CNTNAP5: variants seen among roughly 807,000 people sequenced by gnomAD.
The protein encoded by CNTNAP5 is contactin associated protein family member 5, also known as contactin-associated protein-like 5.
Under a neutral mutation model 150.2 loss-of-function variants are expected in CNTNAP5, and 72 were observed. The observed-to-expected ratio is 0.48, with a 90% CI of 0.40 to 0.58. CNTNAP5 has a LOEUF of 0.58. CNTNAP5 is among the 20% of genes least tolerant of loss of function. The pLI, the probability that CNTNAP5 is intolerant of heterozygous loss-of-function variation, is 0.00. For synonymous variants in CNTNAP5, 672 were observed against 619.8 expected (o/e 1.08, Z -1.25); for missense variants, 1,636 against 1,626.2 (o/e 1.01, Z -0.10).
chr2:124,069,085 T>A (rs1186196101), intron 1 of CNTNAP5, among the ~76,000 whole-genome samples: 1 of 152,046 alleles, frequency 6.6e-6, no homozygotes, highest in African/African-American at 2.4e-5. Context: ...TTACTGGACC[T>A]GTCTTGAGCC....
intron 1 of CNTNAP5, among the ~76,000 whole-genome samples, chr2:124,168,617 G>T (rs1373101384): frequency 1.8e-4 from 28 of 152,170 alleles, no homozygotes; most frequent in Non-Finnish European, 1.5e-5. Context: ...TTGGGGATTA[G>T]ACCTGGCCTC....
chr2:124,425,519 C>G (rs562594287), intron 4 of CNTNAP5, among the ~76,000 whole-genome samples: 91 of 152,278 alleles, frequency 6.0e-4, no homozygotes, highest in African/African-American at 1.7e-3. Context: ...AACCTCATCC[C>G]CATAGTGAAA....
chr2:124,810,393 G>A (rs1227225585), intron 19 of CNTNAP5, among the ~76,000 whole-genome samples: 3 of 152,118 alleles, frequency 2.0e-5, no homozygotes, highest in Non-Finnish European at 4.4e-5. Flanking sequence ...TTTTTTAATA[G>A]CGCTGCTTAA....
At chr2:124,312,951 C>T (rs539124250) in intron 3 of CNTNAP5, among the ~76,000 whole-genome samples, 75 of 152,314 alleles carry the variant, frequency 4.9e-4, no homozygotes, top group African/African-American at 1.5e-3. Context: ...GTAATCTGCC[C>T]GCCTTGGCTT....
chr2:124,300,905 T>C (rs1688556334), intron 3 of CNTNAP5, among the ~76,000 whole-genome samples: 1 of 152,092 alleles, frequency 6.6e-6, no homozygotes, highest in Non-Finnish European at 1.5e-5. Flanking sequence ...CCACAGGAAA[T>C]ACGAAATCCA....
intron 13 of CNTNAP5, among the ~76,000 whole-genome samples, chr2:124,727,995 G>A (rs531916626): frequency 2.0e-5 from 3 of 152,000 alleles, no homozygotes; most frequent in South Asian, 4.2e-4. Flanking sequence ...CTTAATTTGT[G>A]GAGAGTCTTT....
intron 2 of CNTNAP5, among the ~76,000 whole-genome samples, chr2:124,241,527 T>G (rs1000943593): frequency 5.9e-5 from 9 of 152,238 alleles, no homozygotes; most frequent in African/African-American, 1.9e-4. Flanking sequence ...TTCTGTGCTC[T>G]GTGTACCTGC....
At chr2:124,841,558 T>G (rs1682945383) in intron 19 of CNTNAP5, among the ~76,000 whole-genome samples, 1 of 152,088 alleles carries the variant, frequency 6.6e-6, no homozygotes, top group Admixed American at 6.6e-5. Context: ...AAGCCTTCTC[T>G]GATTTCCCAA....
intron 19 of CNTNAP5, among the ~76,000 whole-genome samples, chr2:124,851,615 G>T (rs1683158634): frequency 6.6e-6 from 1 of 152,142 alleles, no homozygotes; most frequent in Non-Finnish European, 1.5e-5. Context: ...AAATGTGGGG[G>T]CGGGACTTTG....
At chr2:124,080,869 A>G (rs1242519184) in intron 1 of CNTNAP5, among the ~76,000 whole-genome samples, 1 of 152,186 alleles carries the variant, frequency 6.6e-6, no homozygotes, top group Non-Finnish European at 1.5e-5. Context: ...ATATCAGGAG[A>G]AGATCAAGAG....
At chr2:124,431,279 G>T (rs150755331) in intron 4 of CNTNAP5, among the ~76,000 whole-genome samples, 6 of 152,200 alleles carry the variant, frequency 3.9e-5, no homozygotes, top group African/African-American at 1.2e-4. Flanking sequence ...TAGTAACGAT[G>T]ATGAATGGAG....
chr2:124,562,477 A>G (rs1161606891), intron 10 of CNTNAP5, among the ~76,000 whole-genome samples: 1 of 152,200 alleles, frequency 6.6e-6, no homozygotes, highest in East Asian at 1.9e-4. Flanking sequence ...GAATGGCATC[A>G]TTGTGAATAA....
rs1184339036 is a variant in CNTNAP5 at position 124,078,511 on chromosome 2, T to C, written c.82+52779T>C. On this transcript the variant is annotated intron_variant, in intron 1 of 23. Coordinates refer to ENST00000682447, the MANE Select transcript of CNTNAP5 (RefSeq NM_001367498.1). ...ATACTAGTGGTATGATATTAGCTCT[T>C]AATTTCAAATTATGACTTGGCCTAA... Among the ~76,000 whole-genome samples the C allele has an allele frequency of 2.6e-5, 4 of 152,330 alleles. No individual in the cohort carries two copies. In the East Asian group the frequency reaches 7.7e-4, roughly 29 times the overall value.
At chr2:124,611,934 A>G (rs1273188090) in intron 12 of CNTNAP5, among the ~76,000 whole-genome samples, 1 of 152,192 alleles carries the variant, frequency 6.6e-6, no homozygotes, top group African/African-American at 2.4e-5. Context: ...TTTTATCTCC[A>G]TCTAACGTAG....
chr2:124,515,588 T>C (rs372935864), intron 8 of CNTNAP5, among the ~76,000 whole-genome samples: 1 of 152,166 alleles, frequency 6.6e-6, no homozygotes, highest in African/African-American at 2.4e-5. Context: ...CTGGCTGTGA[T>C]AGAAAGTAAT....
intron 3 of CNTNAP5, among the ~76,000 whole-genome samples, chr2:124,390,337 C>T (rs1691078394): frequency 6.6e-6 from 1 of 152,222 alleles, no homozygotes; most frequent in African/African-American, 2.4e-5. Flanking sequence ...TGGCTTCTGA[C>T]TCTAAATTTA....
At chr2:124,350,996 GA>G (rs11338994) in intron 3 of CNTNAP5, among the ~76,000 whole-genome samples, 82,326 of 151,926 alleles carry the variant, frequency 0.54, 22,830 homozygotes, top group African/African-American at 0.66. Context: ...TTTTTCCAAA[GA>G]ACTTCGATTT....
intron 1 of CNTNAP5, among the ~76,000 whole-genome samples, chr2:124,066,843 A>ATATC: frequency 6.6e-6 from 1 of 152,266 alleles, no homozygotes; most frequent in Middle Eastern, 3.4e-3. Flanking sequence ...TCCTTTTAAT[A>ATATC]TATCTATACA....
chr2:124,564,419 G>A (rs776307354), intron 11 of CNTNAP5, among the ~76,000 whole-genome samples: 4 of 152,074 alleles, frequency 2.6e-5, no homozygotes, highest in South Asian at 2.1e-4. Context: ...CCAGTGGCAC[G>A]ATCTTGGCTC....
Sources: allele counts gnomAD v4.1 joint callset (sites outside exome capture counted in the v4.1 genomes callset), GRCh38; gene constraint gnomAD v4.1.1; transcripts MANE v1.5; gene names NCBI Gene and HGNC (gene_info 2026-07-23, HGNC 2026-07-21).